Variants in NUP50 observed in about 807,000 individuals in gnomAD.
NUP50 encodes nuclear pore complex protein Nup50.
In NUP50, 14 loss-of-function variants were observed where a neutral mutation model predicts 36.8. The ratio of observed to expected loss-of-function variants is 0.38; its 90% CI spans 0.25 to 0.59. NUP50 has a LOEUF of 0.59. Among genes scored for constraint, NUP50 ranks in the 20% least tolerant of loss-of-function variants. The pLI is 0.63. For synonymous variants in NUP50, 195 were observed against 210.8 expected (o/e 0.93, Z 0.65); for missense variants, 455 against 564.6 (o/e 0.81, Z 1.97).
chr22:45,178,963 A>G (rs2074323142), intron 5 of NUP50, 63 bp downstream of exon 5: 2 of 1,479,240 alleles, frequency 1.4e-6, no homozygotes, highest in Non-Finnish European at 1.8e-6. Context: ...TGGGAAACCC[A>G]GAGACTTTGA....
At position 45,178,172 on chromosome 22, in the gene NUP50, C is replaced by CA. The variant is rs201267646; in HGVS notation, c.341-59dup. Reference sequence around the variant, plus strand: ...AGCAGAAAGTATGAAGGCAGAGTGGCAAAAAAATCTAGATGATTTAATCAA... The same window carrying CA: ...AGCAGAAAGTATGAAGGCAGAGTGGCAAAAAAAATCTAGATGATTTAATCAA... On this transcript the variant is annotated intron_variant, in intron 4 of 7. Transcript: ENST00000347635. The CA allele has an allele frequency of 8.2e-3, 12,076 of 1,465,558 alleles. 77 individuals carry two copies. The highest frequency in any genetic ancestry group is 0.024 in the Middle Eastern group (134 of 5,586). The allele number at this position is 1,465,558 out of a possible 1,614,324, so 90.8% of individuals were successfully genotyped here. A position where few individuals can be genotyped will look rare whatever the true frequency, so the allele number is the denominator to read the frequency against.
chr22:45,185,342 A>G lies in NUP50; in HGVS notation c.*687A>G, dbSNP rs2074453383. ...GCTTCATAGTTTCTATTCATGAGGT[A>G]GTGTTACTTCTTTATCCCCCTAAAG... is the stretch of plus-strand genomic sequence containing the variant. On this transcript the variant is annotated 3_prime_UTR_variant, in exon 8 of 8. Coordinates refer to ENST00000347635, the MANE Select transcript of NUP50 (RefSeq NM_007172.4). 6.5e-6 allele frequency: 1 copy of G among 152,866 alleles called. No individual in the cohort carries two copies. The highest frequency in any genetic ancestry group is 6.5e-5 in the Admixed American group (1 of 15,320). The allele number at this position is 152,866 out of a possible 1,614,324, so 9.5% of individuals were successfully genotyped here. A position where few individuals can be genotyped will look rare whatever the true frequency, so the allele number is the denominator to read the frequency against.
At chr22:45,165,572 G>GT (rs903795897) in intron 1 of NUP50, among the ~76,000 whole-genome samples, 67 of 152,134 alleles carry the variant, frequency 4.4e-4, no homozygotes, top group African/African-American at 1.6e-3. Flanking sequence ...TTTACAGAGG[G>GT]TTTTTTCTCC....
At chr22:45,167,432 G>A (rs890176829) in intron 1 of NUP50, among the ~76,000 whole-genome samples, 1 of 152,154 alleles carries the variant, frequency 6.6e-6, no homozygotes, top group African/African-American at 2.4e-5. Flanking sequence ...GTTAGGTGCC[G>A]GAATCCACTG....
At position 45,176,006 on chromosome 22, in the gene NUP50, C is replaced by T. The variant is rs188476933; in HGVS notation, c.266C>T (p.Ser89Leu). 19 of 1,614,160 alleles carry T rather than the reference C, an allele frequency of 1.2e-5. No individual in the cohort carries two copies. The highest frequency in any genetic ancestry group is 9.9e-5 in the South Asian group (9 of 91,078). Residue 89 changes from serine (S) to leucine (L), a missense_variant, in exon 4 of 8, where the codon TCG becomes TTG. By Grantham distance (145) the Ser-to-Leu change is moderately radical (BLOSUM62 -2). Coordinates refer to ENST00000347635, the MANE Select transcript of NUP50 (RefSeq NM_007172.4). ...GGAGGGAAGCCTTTGGAAGGACTGT[C>T]GAATGGAAACAACATAACCAGTGCC... The part of the protein sequence containing the change: ...GAGGKPLEGL[S>L]NGNNITSAPP...
intron 2 of NUP50, among the ~76,000 whole-genome samples, chr22:45,168,900 T>C (rs1197495050): frequency 3.5e-5 from 2 of 56,672 alleles, no homozygotes; most frequent in African/African-American, 8.9e-5. Flanking sequence ...TAAAAAAAAT[T>C]TTTTTTTTTT....
At chr22:45,168,983 CT>C (rs2074141376) in intron 2 of NUP50, among the ~76,000 whole-genome samples, 1 of 145,856 alleles carries the variant, frequency 6.9e-6, no homozygotes, top group South Asian at 2.2e-4. Flanking sequence ...CTCACTGCAA[CT>C]TTTATCTCCC....
chr22:45,184,799 A>C lies in NUP50; in HGVS notation c.*144A>C. 1 of 651,864 alleles carries C rather than the reference A, an allele frequency of 1.5e-6. No homozygotes were observed. The highest frequency in any genetic ancestry group is 2.7e-6 in the Non-Finnish European group (1 of 367,484). The allele number at this position is 651,864 out of a possible 1,614,324, so 40.4% of individuals were successfully genotyped here. On this transcript the variant is annotated 3_prime_UTR_variant, in exon 8 of 8. Transcript: ENST00000347635. ...TTTTGTGAGGAAGATTAATGTGGCCAATAAAACCTTTAAATGTTAAGTGTC... is the reference window on the plus strand; with the variant it reads ...TTTTGTGAGGAAGATTAATGTGGCCCATAAAACCTTTAAATGTTAAGTGTC...
intron 6 of NUP50, among the ~76,000 whole-genome samples, chr22:45,182,541 T>A (rs536114918): frequency 6.6e-6 from 1 of 152,126 alleles, no homozygotes; most frequent in South Asian, 2.1e-4. Context: ...TACTTTGTTA[T>A]TAGTTAGACC....
At position 45,172,451 on chromosome 22, in the gene NUP50, C is replaced by A. The variant is rs553225943; in HGVS notation, c.153+768C>A. Reference sequence around the variant, plus strand: ...AGATCTGAAGCTTTTTGAGCACCAACGTGATGCTCCAAGGAAATAGTCATT... The same window carrying A: ...AGATCTGAAGCTTTTTGAGCACCAAAGTGATGCTCCAAGGAAATAGTCATT... On this transcript the variant is annotated intron_variant, in intron 3 of 7. Transcript: ENST00000347635. Among the ~76,000 whole-genome samples, 3 of 152,248 alleles carry A rather than the reference C, an allele frequency of 2.0e-5. No homozygotes were observed. The East Asian group carries it at 5.8e-4, about 29-fold the overall frequency.
At chr22:45,171,989 C>T (rs774459255) in intron 3 of NUP50, 27 of 293,870 alleles carry the variant, frequency 9.2e-5, no homozygotes, top group Non-Finnish European at 1.4e-4. Flanking sequence ...GAAAGGAAAA[C>T]GCAAGGATCT....
intron 1 of NUP50, among the ~76,000 whole-genome samples, chr22:45,165,626 C>G (rs1016496609): frequency 6.6e-6 from 1 of 152,146 alleles, no homozygotes; most frequent in African/African-American, 2.4e-5. Context: ...TCTGAAGTGT[C>G]ATGCTTTGAA....
At chr22:45,167,934 G>A (rs998107723) in intron 1 of NUP50, among the ~76,000 whole-genome samples, 6 of 152,056 alleles carry the variant, frequency 3.9e-5, no homozygotes, top group Non-Finnish European at 7.4e-5. Context: ...GACTGCTGGT[G>A]TTCCCTAGGA....
chr22:45,170,154 G>A (rs1490230790), intron 2 of NUP50, among the ~76,000 whole-genome samples: 3 of 151,938 alleles, frequency 2.0e-5, no homozygotes, highest in South Asian at 2.1e-4. Context: ...TCCCCTGGAC[G>A]ACTCATCCTC....
At chr22:45,173,843 G>A (rs184356717) in intron 3 of NUP50, among the ~76,000 whole-genome samples, 37 of 152,310 alleles carry the variant, frequency 2.4e-4, no homozygotes, top group Non-Finnish European at 4.4e-4. Context: ...GGGCAACTAA[G>A]GGAAATTAAG....
chr22:45,183,731 C>A, intron 7 of NUP50: 1 of 488,242 alleles, frequency 2.0e-6, no homozygotes, highest in Non-Finnish European at 3.7e-6. Context: ...AATGATTTTT[C>A]ATTTTCCTTT....
chr22:45,176,636 T>C (rs548206049), intron 4 of NUP50, among the ~76,000 whole-genome samples: 1 of 152,228 alleles, frequency 6.6e-6, no homozygotes, highest in Non-Finnish European at 1.5e-5. Flanking sequence ...TGATCCTGAC[T>C]GGTTGGGTTG....
In NUP50 at chr22:45,184,718, T is replaced by C. The variant is rs1246545942; in HGVS notation, c.*63T>C. ...TGCTGCTTCCACCGCCCCTTAAAGT[T>C]AGTCAGTTTTTCTTCTCTTCTTTGA... is the stretch of plus-strand genomic sequence containing the variant. On this transcript the variant is annotated 3_prime_UTR_variant, in exon 8 of 8. Transcript: ENST00000347635. 3 of 1,157,308 alleles carry C rather than the reference T, an allele frequency of 2.6e-6. No individual in the cohort carries two copies. The highest frequency in any genetic ancestry group is 3.8e-5 in the Admixed American group (2 of 52,882). The allele number at this position is 1,157,308 out of a possible 1,614,324, so 71.7% of individuals were successfully genotyped here. A position where few individuals can be genotyped will look rare whatever the true frequency, so the allele number is the denominator to read the frequency against.
At chr22:45,169,227 G>A (rs1189845868) in intron 2 of NUP50, among the ~76,000 whole-genome samples, 2 of 152,136 alleles carry the variant, frequency 1.3e-5, no homozygotes, top group Non-Finnish European at 1.5e-5. Context: ...TTAATTAGCT[G>A]AACATGGTGG....
Sources: gnomAD v4.1 joint callset for allele counts (sites outside exome capture counted in the v4.1 genomes callset) on GRCh38, gnomAD v4.1.1 for gene constraint, MANE v1.5 for transcripts, NCBI Gene and HGNC (gene_info 2026-07-23, HGNC 2026-07-21) for gene names.